GRK3: variants seen among roughly 807,000 people sequenced by gnomAD.
The protein encoded by GRK3 is adrenergic, beta, receptor kinase 2.
GRK3 carries 54 observed loss-of-function variants against 95.7 expected under a neutral mutation model. The observed-to-expected ratio is 0.56, with a 90% CI of 0.45 to 0.71. GRK3 has a LOEUF of 0.71. GRK3 is among the 30% of genes least tolerant of loss of function. The probability of loss-of-function intolerance (pLI) is 0.00; values close to 1 mark genes in which losing one functional copy is unlikely to be tolerated. For missense variants in GRK3, 649 were observed against 851.2 expected, an observed-to-expected ratio of 0.76 and a Z score of 2.96; for synonymous variants, 281 against 290.8, an observed-to-expected ratio of 0.97 and a Z score of 0.34.
intron 2 of GRK3, among the ~76,000 whole-genome samples, chr22:25,614,463 A>T (rs376125498): frequency 8.8e-4 from 134 of 152,312 alleles, no homozygotes; most frequent in African/African-American, 2.7e-3. Context: ...TTTACTGCTT[A>T]ATTTTCCCAG....
intron 2 of GRK3, among the ~76,000 whole-genome samples, chr22:25,616,326 A>C (rs188589020): frequency 1.4e-4 from 22 of 152,198 alleles, no homozygotes; most frequent in African/African-American, 5.1e-4. Flanking sequence ...ACTTACAGTC[A>C]TGGCAGAAGG....
chr22:25,687,974 T>C (rs111938451), intron 11 of GRK3, among the ~76,000 whole-genome samples: 7,483 of 152,276 alleles, frequency 0.049, 236 homozygotes, highest in South Asian at 0.095. Context: ...CGGTGGCTCA[T>C]GCCTGTAATC....
chr22:25,721,705 G>C (rs2085434050), intron 20 of GRK3, among the ~76,000 whole-genome samples: 1 of 152,084 alleles, frequency 6.6e-6, no homozygotes, highest in Admixed American at 6.6e-5. Context: ...TCGATGTTAA[G>C]GTTTATATAT....
At chr22:25,637,723 G>T (rs1323664309) in intron 2 of GRK3, among the ~76,000 whole-genome samples, 1 of 152,220 alleles carries the variant, frequency 6.6e-6, no homozygotes, top group African/African-American at 2.4e-5. Flanking sequence ...ATTCTCCAGT[G>T]ATAGAAAAGT....
In GRK3 at chr22:25,672,297, G is replaced by T; in HGVS notation, c.505G>T (p.Asp169Tyr). The change falls in exon 7 of 21, where the codon GAC (aspartate) becomes TAC (tyrosine). Residue 169 changes from aspartate (D) to tyrosine (Y), a missense_variant and splice_region_variant. Physicochemically the swap from Asp to Tyr is radical, Grantham distance 160. This residue lies in a region of GRK3 where 206 missense variants were observed against 231.4 expected (regional missense o/e 0.89). Transcript: ENST00000324198. ...GDIFQKFMES[D>Y]KFTRFCQWKN... ...AGTAATTATTTTATTCTCTTTTAGT[G>T]ACAAGTTCACTAGATTTTGTCAGTG... is the stretch of plus-strand genomic sequence containing the variant. The T allele has an allele frequency of 7.1e-7, 1 of 1,406,100 alleles. No individual in the cohort carries two copies. The highest frequency in any genetic ancestry group is 1.4e-5 in the African/African-American group (1 of 70,230). The allele number at this position is 1,406,100 out of a possible 1,614,324, so 87.1% of individuals were successfully genotyped here.
chr22:25,638,863 A>G (rs1275336123), intron 2 of GRK3, among the ~76,000 whole-genome samples: 4 of 152,188 alleles, frequency 2.6e-5, no homozygotes, highest in African/African-American at 9.6e-5. Flanking sequence ...GGGGTTGTCA[A>G]TATTTAACTT....
chr22:25,680,812 A>G (rs1032803250), intron 9 of GRK3, among the ~76,000 whole-genome samples: 3 of 152,234 alleles, frequency 2.0e-5, no homozygotes, highest in African/African-American at 7.2e-5. Flanking sequence ...GATACTTTCT[A>G]TAGTTTTTAA....
At chr22:25,668,938 A>G (rs1434073760) in intron 6 of GRK3, among the ~76,000 whole-genome samples, 5 of 152,210 alleles carry the variant, frequency 3.3e-5, no homozygotes, top group Non-Finnish European at 4.4e-5. Context: ...GCTCATTGAG[A>G]CAGTCATTTC....
At chr22:25,714,839 T>C (rs2085371027) in intron 18 of GRK3, among the ~76,000 whole-genome samples, 1 of 152,064 alleles carries the variant, frequency 6.6e-6, no homozygotes, top group Non-Finnish European at 1.5e-5. Context: ...GGTTTGGACG[T>C]TTTTTCCTTC....
chr22:25,642,518 G>A (rs576583688), intron 2 of GRK3, among the ~76,000 whole-genome samples: 3 of 152,182 alleles, frequency 2.0e-5, no homozygotes, highest in African/African-American at 7.2e-5. Flanking sequence ...GGGGGTACAA[G>A]TGCAATTTTG....
chr22:25,591,770 C>G (rs565022950), intron 1 of GRK3, among the ~76,000 whole-genome samples: 2 of 151,722 alleles, frequency 1.3e-5, no homozygotes, highest in South Asian at 4.2e-4. Context: ...GGTCTGGCTT[C>G]TTTAAATCAG....
chr22:25,570,294 G>T (rs1409461970), intron 1 of GRK3, among the ~76,000 whole-genome samples: 1 of 152,092 alleles, frequency 6.6e-6, no homozygotes, highest in African/African-American at 2.4e-5. Flanking sequence ...GAGAAATTGT[G>T]TAATACACCA....
chr22:25,583,357 C>CTTT (rs113355685), intron 1 of GRK3, among the ~76,000 whole-genome samples: 2 of 135,574 alleles, frequency 1.5e-5, no homozygotes, highest in Non-Finnish European at 3.2e-5. Flanking sequence ...TTTCTGTGTA[C>CTTT]TTTTTTTTTT....
intron 5 of GRK3, among the ~76,000 whole-genome samples, 154 bp from the exon 6 acceptor site, chr22:25,667,585 A>C (rs898168964): frequency 6.6e-6 from 1 of 152,184 alleles, no homozygotes; most frequent in African/African-American, 2.4e-5. Context: ...TGCATTAGTG[A>C]ATATTAGACA....
chr22:25,591,280 C>G (rs1932479493), intron 1 of GRK3, among the ~76,000 whole-genome samples: 1 of 152,192 alleles, frequency 6.6e-6, no homozygotes, highest in Non-Finnish European at 1.5e-5. Flanking sequence ...CAGGGTCTTG[C>G]AGGGAGGGGT....
intron 8 of GRK3, among the ~76,000 whole-genome samples, chr22:25,678,150 T>C (rs374680105): frequency 3.3e-5 from 5 of 152,316 alleles, no homozygotes; most frequent in African/African-American, 1.2e-4. Flanking sequence ...CTCTATAAAC[T>C]CTTATAAAAA....
At chr22:25,671,412 T>C (rs1432352879) in intron 6 of GRK3, among the ~76,000 whole-genome samples, 2 of 152,160 alleles carry the variant, frequency 1.3e-5, no homozygotes, top group African/African-American at 4.8e-5. Flanking sequence ...GTAATCAAAA[T>C]GTCTTTGTTA....
intron 1 of GRK3, among the ~76,000 whole-genome samples, chr22:25,577,660 C>T (rs1298533908): frequency 6.6e-6 from 1 of 152,170 alleles, no homozygotes; most frequent in Non-Finnish European, 1.5e-5. Context: ...GCCTTCTTCA[C>T]CTAGTAATGC....
intron 17 of GRK3, among the ~76,000 whole-genome samples, chr22:25,713,052 G>A (rs2085356529): frequency 6.6e-6 from 1 of 152,214 alleles, no homozygotes; most frequent in Admixed American, 6.5e-5. Flanking sequence ...TTCATTTTCA[G>A]CAAGGTGGGC....
Sources: gnomAD v4.1 joint callset for allele counts (sites outside exome capture counted in the v4.1 genomes callset) on GRCh38, gnomAD v4.1.1 for gene constraint, gnomAD v4.1.1 regional missense constraint, MANE v1.5 for transcripts, NCBI Gene and HGNC (gene_info 2026-07-23, HGNC 2026-07-21) for gene names.